Variants in AQR observed in about 807,000 individuals in gnomAD.
The protein encoded by AQR is RNA helicase aquarius.
A neutral mutation model predicts 180.5 loss-of-function variants in AQR; 61 were observed. The observed-to-expected ratio is 0.34, with a 90% CI of 0.28 to 0.42. The LOEUF (loss-of-function observed/expected upper bound fraction) is 0.42, where lower values mean the gene tolerates loss of function less well. Among genes scored for constraint, AQR ranks in the 10% least tolerant of loss-of-function variants. The pLI, the probability that AQR is intolerant of heterozygous loss-of-function variation, is 1.00. For missense variants in AQR, 1,281 were observed against 1,798.3 expected, an observed-to-expected ratio of 0.71 and a Z score of 5.20; for synonymous variants, 551 against 588.8, an observed-to-expected ratio of 0.94 and a Z score of 0.93.
chr15:34,886,670 T>TC lies in AQR; in HGVS notation c.2682-10_2682-9insG, dbSNP rs748594215. 149 of 1,593,348 alleles carry TC rather than the reference T, an allele frequency of 9.4e-5. No homozygotes were observed. The highest frequency in any genetic ancestry group is 1.2e-4 in the Non-Finnish European group (143 of 1,174,460). On this transcript the variant is annotated splice_polypyrimidine_tract_variant and intron_variant, in intron 24 of 34. Coordinates refer to ENST00000156471, the MANE Select transcript of AQR (RefSeq NM_014691.3). ...AATTAACTCTTCCATACCTAGACAT[T>TC]TCAATTAGGCAAAATGACAAAACTG...
chr15:34,882,694 T>A, intron 26 of AQR, 55 bp from the exon 27 acceptor site: 1 of 1,476,520 alleles, frequency 6.8e-7, no homozygotes, highest in Non-Finnish European at 9.1e-7. Context: ...GTTTTGCACA[T>A]AACCATACAA....
At chr15:34,860,644 A>C (rs527667277) in intron 33 of AQR, among the ~76,000 whole-genome samples, 1 of 152,232 alleles carries the variant, frequency 6.6e-6, no homozygotes, top group Non-Finnish European at 1.5e-5. Context: ...GTATGCTCCA[A>C]AGACAGTTCT....
Position 34,920,357 on chromosome 15 carries a change from T to C in AQR, c.1196A>G (p.Asp399Gly). The change falls in exon 14 of 35, where the codon GAT becomes GGT. Residue 399 changes from aspartate (D) to glycine (G), a missense_variant. Asp to Gly is a moderately conservative substitution (Grantham distance 94). Around this residue, in one of 9 missense-constraint regions of AQR, gnomAD observed 404 missense variants for 490.9 expected, o/e 0.82. Transcript: ENST00000156471. The stretch of plus-strand genomic sequence containing the variant: ...CAGCAATTCTAGAAGAAATTCTTTA[T>C]CAAAAGTTGTGTCTTCATTTTTAGG... The part of the protein sequence containing the change: ...TLPKNEDTTF[D>G]KEFLLELLVS... 1 of 1,612,134 alleles carries C rather than the reference T, an allele frequency of 6.2e-7. No individual in the cohort carries two copies. Among genetic ancestry groups the C allele is most frequent in the Non-Finnish European group, 8.5e-7 (1 of 1,178,830 alleles).
rs767479643 is a variant in AQR, at chr15:34,900,839, G to C, written c.2026C>G (p.Leu676Val). Residue 676 changes from leucine to valine, a missense_variant, in exon 20 of 35, where the codon CTG becomes GTG. Physicochemically the swap from Leu to Val is conservative, Grantham distance 32. Coordinates refer to ENST00000156471, the MANE Select transcript of AQR (RefSeq NM_014691.3). The part of the protein sequence containing the change: ...FKAVLETIRN[L>V]MNTDCVVPDW... ...GGTACCACACAATCAGTATTCATCA[G>C]GTTCCGAATAGTCTCCAGCACAGCC... 2 of 1,608,330 alleles carry C rather than the reference G, an allele frequency of 1.2e-6. No individual in the cohort carries two copies. Among genetic ancestry groups the C allele is most frequent in the Non-Finnish European group, 1.7e-6 (2 of 1,176,040 alleles).
In AQR at chr15:34,886,520, T is replaced by G. The variant is rs1893062016; in HGVS notation, c.2817+6A>C. The G allele has an allele frequency of 2.5e-6, 4 of 1,599,882 alleles. No individual in the cohort carries two copies. The highest frequency in any genetic ancestry group is 3.4e-6 in the Non-Finnish European group (4 of 1,176,656). On this transcript the variant is annotated splice_donor_region_variant and intron_variant, in intron 25 of 34. Transcript: ENST00000156471. Reference sequence around the variant, plus strand: ...AAGTATGATTCAAAAACCCTTAATATCTTACCTGGTATAAGAAGAAATAGC... The same window carrying G: ...AAGTATGATTCAAAAACCCTTAATAGCTTACCTGGTATAAGAAGAAATAGC...
At chr15:34,917,983 A>G (rs1004647272) in intron 15 of AQR, among the ~76,000 whole-genome samples, 1 of 151,884 alleles carries the variant, frequency 6.6e-6, no homozygotes, top group Non-Finnish European at 1.5e-5. Flanking sequence ...ACCCTGTCTC[A>G]CACTAACAAA....
chr15:34,854,853 C>T lies in AQR; in HGVS notation c.*1939G>A, dbSNP rs1595776928. ...TGGTTGCAGGTATCATACCTCATAT[C>T]CCCTAAGGGAGAGAGAAAAATCAAT... On this transcript the variant is annotated 3_prime_UTR_variant, in exon 35 of 35. Coordinates refer to ENST00000156471, the MANE Select transcript of AQR (RefSeq NM_014691.3). 1 of 152,156 alleles carries T rather than the reference C, an allele frequency of 6.6e-6. No individual in the cohort carries two copies. The highest frequency in any genetic ancestry group is 1.5e-5 in the Non-Finnish European group (1 of 68,016). The allele number at this position is 152,156 out of a possible 1,614,324, so 9.4% of individuals were successfully genotyped here. A position where few individuals can be genotyped will look rare whatever the true frequency, so the allele number is the denominator to read the frequency against.
intron 32 of AQR, among the ~76,000 whole-genome samples, chr15:34,865,471 A>G (rs947480280): frequency 2.0e-5 from 3 of 152,194 alleles, no homozygotes; most frequent in African/African-American, 7.2e-5. Flanking sequence ...AGCAAAAGAA[A>G]TAAGGCAGGC....
chr15:34,894,275 C>A (rs1893197286), intron 22 of AQR, among the ~76,000 whole-genome samples: 1 of 151,666 alleles, frequency 6.6e-6, no homozygotes, highest in Non-Finnish European at 1.5e-5. Context: ...TGATGCATTA[C>A]ATATTACAAA....
Position 34,890,241 on chromosome 15 carries a change from C to G in AQR, c.2655G>C (p.Glu885Asp), listed in dbSNP as rs769540136. The stretch of plus-strand genomic sequence containing the variant: ...TGCTGAAATCTTTCTCTGTCTCCAG[C>G]TCTTCTTCTCCATGACCAAGACGCA... ...HLLRLGHGEE[E>D]LETEKDFSRY... Residue 885 changes from glutamate to aspartate, a missense_variant, in exon 24 of 35, where the codon GAG becomes GAC. Glu to Asp is a conservative substitution (Grantham distance 45). Transcript: ENST00000156471. The G allele has an allele frequency of 6.2e-7, 1 of 1,613,500 alleles. No homozygotes were observed. Among genetic ancestry groups the G allele is most frequent in the Non-Finnish European group, 8.5e-7 (1 of 1,179,774 alleles).
At chr15:34,943,147 T>G (rs1436512759) in intron 6 of AQR, 1 of 1,611,258 alleles carries the variant, frequency 6.2e-7, no homozygotes, top group Non-Finnish European at 8.5e-7. Flanking sequence ...CCCCATAAAG[T>G]GACACAGTAC....
rs565202160 is a variant in AQR at position 34,956,696 on chromosome 15, G to GAA, written c.174-3778_174-3777dup. Among the ~76,000 whole-genome samples, 152 of 83,396 alleles carry GAA rather than the reference G, an allele frequency of 1.8e-3. 1 individual carries two copies. The highest frequency in any genetic ancestry group is 4.0e-3 in the East Asian group (10 of 2,492). 54.7% of individuals were successfully genotyped at this position (83,396 alleles called of 152,430 possible). A position where few individuals can be genotyped will look rare whatever the true frequency, so the allele number is the denominator to read the frequency against. ...GAACAGAATATTCAGTAAGAAGTCA[G>GAA]AAAAAAAAAAAAAAAAAAAAGAACC... is the stretch of plus-strand genomic sequence containing the variant. On this transcript the variant is annotated intron_variant, in intron 3 of 34. Coordinates refer to ENST00000156471, the MANE Select transcript of AQR (RefSeq NM_014691.3).
intron 13 of AQR, among the ~76,000 whole-genome samples, chr15:34,921,836 A>G (rs1893688801): frequency 6.6e-6 from 1 of 152,098 alleles, no homozygotes; most frequent in Non-Finnish European, 1.5e-5. Context: ...TTTTGAGACG[A>G]GTCTCACTCT....
chr15:34,862,686 C>A (rs1892685485), intron 33 of AQR, among the ~76,000 whole-genome samples, 181 bp downstream of exon 33: 1 of 152,160 alleles, frequency 6.6e-6, no homozygotes, highest in African/African-American at 2.4e-5. Flanking sequence ...GCATAAGCCA[C>A]TGCGCCCTAC....
intron 22 of AQR, 80 bp from the exon 23 acceptor site, chr15:34,893,853 CT>C: frequency 2.4e-6 from 3 of 1,231,640 alleles, no homozygotes; most frequent in Non-Finnish European, 3.6e-6. Flanking sequence ...AAGTACAGAC[CT>C]GAAAGATAAA....
At chr15:34,925,019 GT>G (rs1893739189) in intron 13 of AQR, among the ~76,000 whole-genome samples, 1 of 150,962 alleles carries the variant, frequency 6.6e-6, no homozygotes, top group Non-Finnish European at 1.5e-5. Flanking sequence ...ATCTAATATA[GT>G]TATTAAAAAG....
chr15:34,946,517 C>A (rs1392044200), intron 5 of AQR, among the ~76,000 whole-genome samples: 1 of 143,442 alleles, frequency 7.0e-6, no homozygotes, highest in Non-Finnish European at 1.5e-5. Context: ...GCCGCCCCGT[C>A]CGGGAGGGAG....
At chr15:34,915,208 A>ATT in intron 15 of AQR, 29 bp from the exon 16 acceptor site, 2 of 1,536,908 alleles carry the variant, frequency 1.3e-6, no homozygotes, top group Non-Finnish European at 1.7e-6. Flanking sequence ...TCCATATTTC[A>ATT]ATTTTTTTTT....
intron 23 of AQR, among the ~76,000 whole-genome samples, chr15:34,892,104 C>G (rs150691478): frequency 2.6e-5 from 4 of 152,070 alleles, no homozygotes; most frequent in Admixed American, 1.3e-4. Flanking sequence ...ACATAAACTC[C>G]GAGAAAAAAC....
Sources: gnomAD v4.1 joint callset for allele counts (sites outside exome capture counted in the v4.1 genomes callset) on GRCh38, gnomAD v4.1.1 for gene constraint, gnomAD v4.1.1 regional missense constraint, MANE v1.5 for transcripts, NCBI Gene and HGNC (gene_info 2026-07-23, HGNC 2026-07-21) for gene names.